TENM2: variants seen among roughly 807,000 people sequenced by gnomAD.
The protein encoded by TENM2 is teneurin-2.
TENM2 carries 52 observed loss-of-function variants against 245.2 expected under a neutral mutation model. The ratio of observed to expected loss-of-function variants is 0.21; its 90% CI spans 0.17 to 0.27. TENM2 has a LOEUF of 0.27. Ranked by LOEUF, TENM2 falls within the 10% of genes least tolerant of loss-of-function variation. The pLI is 1.00. For synonymous variants in TENM2, 1,363 were observed against 1,438.9 expected (o/e 0.95, Z 1.19); for missense variants, 3,046 against 3,666.8 (o/e 0.83, Z 4.37).
intron 8 of TENM2, among the ~76,000 whole-genome samples, chr5:168,095,514 G>A (rs535542931): frequency 5.3e-5 from 8 of 152,134 alleles, no homozygotes; most frequent in African/African-American, 1.9e-4. Flanking sequence ...GCTTCCTTTC[G>A]TTACTCCATC....
At chr5:167,899,722 G>A (rs1359572156) in intron 3 of TENM2, among the ~76,000 whole-genome samples, 2 of 152,150 alleles carry the variant, frequency 1.3e-5, no homozygotes, top group African/African-American at 4.8e-5. Flanking sequence ...CTCTGTCCAT[G>A]TGGATGAAAA....
intron 2 of TENM2, among the ~76,000 whole-genome samples, chr5:167,578,192 T>C (rs1774843219): frequency 6.6e-6 from 1 of 152,194 alleles, no homozygotes; most frequent in Admixed American, 6.5e-5. Context: ...CAACACACCC[T>C]TCCCAGGAAA....
intron 2 of TENM2, among the ~76,000 whole-genome samples, chr5:167,600,774 C>T (rs942252769): frequency 2.0e-5 from 3 of 152,178 alleles, no homozygotes; most frequent in Admixed American, 2.0e-4. Flanking sequence ...AGTTAGGGTT[C>T]ATTTGCTCAT....
At chr5:167,600,329 T>G (rs1400686984) in intron 2 of TENM2, among the ~76,000 whole-genome samples, 1 of 152,032 alleles carries the variant, frequency 6.6e-6, no homozygotes, top group Non-Finnish European at 1.5e-5. Context: ...GAACCTTTTT[T>G]TGTTAATAGA....
intron 4 of TENM2, among the ~76,000 whole-genome samples, chr5:167,981,210 C>T (rs1319241740): frequency 6.6e-6 from 1 of 152,208 alleles, no homozygotes; most frequent in Non-Finnish European, 1.5e-5. Flanking sequence ...AGCTCCCCGC[C>T]ATCCCCACCC....
chr5:167,545,434 G>A (rs1245635356), intron 2 of TENM2, among the ~76,000 whole-genome samples: 2 of 152,034 alleles, frequency 1.3e-5, no homozygotes, highest in Admixed American at 1.3e-4. Flanking sequence ...ATATTACTCA[G>A]GCACCTGCAC....
chr5:167,890,730 T>G (rs1279267278), intron 3 of TENM2, among the ~76,000 whole-genome samples: 1 of 152,166 alleles, frequency 6.6e-6, no homozygotes, highest in Non-Finnish European at 1.5e-5. Flanking sequence ...TTGCATGGCC[T>G]TTGTAGCATT....
chr5:167,411,589 T>A (rs1266786401), intron 2 of TENM2, among the ~76,000 whole-genome samples: 1 of 150,728 alleles, frequency 6.6e-6, no homozygotes, highest in African/African-American at 2.4e-5. Flanking sequence ...TGTGTGTGTG[T>A]GTGTGTGTGT....
intron 2 of TENM2, chr5:167,755,033 G>T (rs1289497185): frequency 1.3e-6 from 2 of 1,589,736 alleles, no homozygotes; most frequent in Admixed American, 3.4e-5. Flanking sequence ...ACGAAGAGCG[G>T]CCCACTCCCA....
chr5:168,135,847 A>C (rs1302308163), intron 12 of TENM2, among the ~76,000 whole-genome samples: 1 of 152,204 alleles, frequency 6.6e-6, no homozygotes, highest in East Asian at 1.9e-4. Context: ...ATCCGGAAAC[A>C]TCTGAATAGC....
chr5:167,484,986 G>A (rs141503746), intron 2 of TENM2, among the ~76,000 whole-genome samples: 18 of 152,268 alleles, frequency 1.2e-4, no homozygotes, highest in Middle Eastern at 3.4e-3. Context: ...AAATAAATTC[G>A]TGACCAGTAT....
chr5:167,750,252 C>G (rs892853005), intron 2 of TENM2, among the ~76,000 whole-genome samples: 1 of 152,100 alleles, frequency 6.6e-6, no homozygotes, highest in Non-Finnish European at 1.5e-5. Flanking sequence ...TTCCCTTGCC[C>G]TACGCTGTTA....
chr5:167,125,907 A>AAT, the TENM2 span, among the ~76,000 whole-genome samples: 1 of 152,206 alleles, frequency 6.6e-6, no homozygotes, highest in Non-Finnish European at 1.5e-5. Context: ...TTAGTAACAG[A>AAT]ATATTCTAAA....
At chr5:166,989,985 A>G in the TENM2 span, among the ~76,000 whole-genome samples, 4 of 152,024 alleles carry the variant, frequency 2.6e-5, no homozygotes. Flanking sequence ...TTTGAAGTTA[A>G]AGATAATTCA....
At chr5:167,987,160 A>T (rs1379023765) in intron 4 of TENM2, among the ~76,000 whole-genome samples, 2 of 152,152 alleles carry the variant, frequency 1.3e-5, no homozygotes, top group African/African-American at 4.8e-5. Context: ...ACTTCATGAA[A>T]CTTCACCTAA....
At chr5:168,139,277 G>C (rs1041157625) in intron 12 of TENM2, among the ~76,000 whole-genome samples, 8 of 152,128 alleles carry the variant, frequency 5.3e-5, no homozygotes, top group African/African-American at 1.9e-4. Flanking sequence ...ATTAAAATTT[G>C]ATTTTCCCTC....
At chr5:167,166,589 C>A in the TENM2 span, among the ~76,000 whole-genome samples, 3 of 151,874 alleles carry the variant, frequency 2.0e-5, no homozygotes, top group Non-Finnish European at 4.4e-5. Context: ...AAATGTCTAT[C>A]CAGTTAGTTT....
chr5:167,549,128 A>G (rs577188892), intron 2 of TENM2, among the ~76,000 whole-genome samples: 5 of 152,222 alleles, frequency 3.3e-5, no homozygotes, highest in South Asian at 4.1e-4. Flanking sequence ...AGCTCAGCCA[A>G]TCGTAGCAGA....
chr5:167,197,289 G>A, the TENM2 span, among the ~76,000 whole-genome samples: 5 of 152,026 alleles, frequency 3.3e-5, no homozygotes, highest in Admixed American at 2.0e-4. Context: ...ACAACATGGC[G>A]TGCTGGAAGT....
Sources: allele counts gnomAD v4.1 joint callset (sites outside exome capture counted in the v4.1 genomes callset), GRCh38; gene constraint gnomAD v4.1.1; transcripts MANE v1.5; gene names NCBI Gene and HGNC (gene_info 2026-07-23, HGNC 2026-07-21).